The following FOXP1 variants were observed in gnomAD, a reference collection of about 807,000 sequenced individuals.
FOXP1 encodes the protein forkhead box P1.
A neutral mutation model predicts 98.2 loss-of-function variants in FOXP1; 15 were observed. The ratio of observed to expected loss-of-function variants is 0.15; its 90% confidence interval spans 0.10 to 0.24. The LOEUF (loss-of-function observed/expected upper bound fraction) is 0.24, where lower values mean the gene tolerates loss of function less well. Among genes scored for constraint, FOXP1 ranks in the 10% least tolerant of loss-of-function variants. The pLI is 1.00. For missense variants in FOXP1, 633 were observed against 848.5 expected, an observed-to-expected ratio of 0.75 and a Z score of 3.15; for synonymous variants, 371 against 314.5, an observed-to-expected ratio of 1.18 and a Z score of -1.90.
intron 3 of FOXP1, among the ~76,000 whole-genome samples, chr3:71,448,805 T>C (rs1434011541): frequency 1.3e-5 from 2 of 152,170 alleles, no homozygotes; most frequent in African/African-American, 4.8e-5. Context: ...ATTGCCACAA[T>C]TTCAGAACCA....
At chr3:71,159,150 A>G (rs1054286311) in intron 6 of FOXP1, among the ~76,000 whole-genome samples, 14 of 151,588 alleles carry the variant, frequency 9.2e-5, no homozygotes, top group Non-Finnish European at 2.1e-4. Context: ...TTCAAAATTA[A>G]AAGAAAAACA....
At chr3:71,406,259 G>A (rs1322934851) in intron 3 of FOXP1, among the ~76,000 whole-genome samples, 4 of 151,896 alleles carry the variant, frequency 2.6e-5, no homozygotes, top group African/African-American at 9.7e-5. Context: ...TGAAATCAAG[G>A]ACTGTGTTCC....
intron 10 of FOXP1, among the ~76,000 whole-genome samples, chr3:71,044,155 T>C (rs1035723471): frequency 6.6e-6 from 1 of 152,174 alleles, no homozygotes; most frequent in Non-Finnish European, 1.5e-5. Context: ...TAAGATCTCA[T>C]GTTAGACAGA....
intron 11 of FOXP1, among the ~76,000 whole-genome samples, chr3:71,025,266 T>C (rs915608639): frequency 6.6e-6 from 1 of 152,124 alleles, no homozygotes; most frequent in African/African-American, 2.4e-5. Context: ...TTCCCATTGC[T>C]ATTCCTAGAG....
chr3:71,428,554 T>G lies in FOXP1; in HGVS notation c.-168+64872A>C, dbSNP rs546286017. Among the ~76,000 whole-genome samples, 60 of 152,368 alleles carry G rather than the reference T, an allele frequency of 3.9e-4. 2 individuals carry two copies. The South Asian group carries it at 0.012, about 31-fold the overall frequency. ...ATGGGCTACTGTATCTTAACAAGTC[T>G]TGTTCAGAGGCCTGCCTTCTGGTTT... On this transcript the variant is annotated intron_variant, in intron 3 of 20. Transcript: ENST00000649528.
At chr3:71,550,387 T>A (rs1165126829) in intron 2 of FOXP1, among the ~76,000 whole-genome samples, 1 of 152,214 alleles carries the variant, frequency 6.6e-6, no homozygotes, top group African/African-American at 2.4e-5. Flanking sequence ...AGTTTCCACA[T>A]CTGCAAAATG....
intron 3 of FOXP1, among the ~76,000 whole-genome samples, chr3:71,366,846 G>A (rs2078962141): frequency 6.6e-6 from 1 of 152,158 alleles, no homozygotes; most frequent in Admixed American, 6.5e-5. Flanking sequence ...TCCTCTTAAT[G>A]AGATTCCCTA....
chr3:71,581,208 G>C, intron 2 of FOXP1: 2 of 985,348 alleles, frequency 2.0e-6, no homozygotes, highest in Non-Finnish European at 2.4e-6. Flanking sequence ...AGGGTATTTG[G>C]ATACAATGAC....
chr3:71,476,673 T>G (rs2089873864), intron 3 of FOXP1, among the ~76,000 whole-genome samples: 1 of 151,388 alleles, frequency 6.6e-6, no homozygotes, highest in Non-Finnish European at 1.5e-5. Context: ...TTTTTTTTTT[T>G]TTTGTATTTT....
intron 3 of FOXP1, among the ~76,000 whole-genome samples, chr3:71,452,915 T>A (rs1021340021): frequency 6.6e-6 from 1 of 152,116 alleles, no homozygotes; most frequent in Non-Finnish European, 1.5e-5. Flanking sequence ...CTGGCATCTG[T>A]AGAAAAATCA....
chr3:71,498,076 A>G (rs1203327691), intron 2 of FOXP1, among the ~76,000 whole-genome samples: 1 of 152,106 alleles, frequency 6.6e-6, no homozygotes, highest in Non-Finnish European at 1.5e-5. Context: ...GTCCTTTCCA[A>G]CGCTTTCCAA....
chr3:71,581,878 A>G, intron 1 of FOXP1, 181 bp from the exon 2 acceptor site: 1 of 985,146 alleles, frequency 1.0e-6, no homozygotes, highest in Non-Finnish European at 1.2e-6. Context: ...AATCCCTGCA[A>G]GGATCCAGAG....
intron 3 of FOXP1, among the ~76,000 whole-genome samples, chr3:71,480,742 G>A (rs889236491): frequency 3.9e-5 from 6 of 152,274 alleles, no homozygotes; most frequent in African/African-American, 1.4e-4. Context: ...TCAAGTAGAA[G>A]AGATGGGTTT....
intron 4 of FOXP1, among the ~76,000 whole-genome samples, chr3:71,314,453 G>A (rs1448131761): frequency 1.3e-5 from 2 of 151,744 alleles, no homozygotes; most frequent in Non-Finnish European, 2.9e-5. Flanking sequence ...ACTTGAACCC[G>A]GGAGGTGGAG....
At chr3:71,559,486 G>A (rs1383388260) in intron 2 of FOXP1, among the ~76,000 whole-genome samples, 1 of 152,126 alleles carries the variant, frequency 6.6e-6, no homozygotes, top group Non-Finnish European at 1.5e-5. Context: ...TCCAGGGTAG[G>A]CAATAAAGCA....
At chr3:70,970,615 TAAGAAAA>T (rs1378424642) in intron 19 of FOXP1, 114 bp downstream of exon 19, 1 of 885,698 alleles carries the variant, frequency 1.1e-6, no homozygotes, top group African/African-American at 1.6e-5. Flanking sequence ...TTTGTGCACT[TAAGAAAA>T]AAGTTTAACG....
rs749378499 is a variant in FOXP1 at position 71,298,333 on chromosome 3, C to T, written c.-12+1487G>A. Among the ~76,000 whole-genome samples the T allele has an allele frequency of 7.9e-5, 12 of 152,106 alleles. No individual in the cohort carries two copies. The South Asian group carries it at 8.3e-4, about 11-fold the overall frequency. On this transcript the variant is annotated intron_variant, in intron 5 of 20. Transcript: ENST00000649528. ...CACAAAAATTAGCTGGGTATGATGGCGACTGCCTGTAATCCCAGCTACTCA... is the reference window on the plus strand; with the variant it reads ...CACAAAAATTAGCTGGGTATGATGGTGACTGCCTGTAATCCCAGCTACTCA...
At chr3:71,247,608 C>G (rs1048227170) in intron 5 of FOXP1, among the ~76,000 whole-genome samples, 1 of 152,204 alleles carries the variant, frequency 6.6e-6, no homozygotes, top group African/African-American at 2.4e-5. Flanking sequence ...TTCTCCAAGT[C>G]ACTAGCACAA....
intron 3 of FOXP1, among the ~76,000 whole-genome samples, chr3:71,387,599 T>G (rs999660809): frequency 6.6e-6 from 1 of 152,244 alleles, no homozygotes; most frequent in East Asian, 1.9e-4. Context: ...TGAATTCACA[T>G]TGGTTTTTTT....
Sources: allele counts gnomAD v4.1 joint callset (sites outside exome capture counted in the v4.1 genomes callset), GRCh38; gene constraint gnomAD v4.1.1; transcripts MANE v1.5; gene names NCBI Gene and HGNC (gene_info 2026-07-23, HGNC 2026-07-21).